ARHGAP26: variants seen among roughly 807,000 people sequenced by gnomAD.
ARHGAP26 encodes the protein Rho GTPase activating protein 26, also known as rho GTPase-activating protein 26.
A neutral mutation model predicts 104.8 loss-of-function variants in ARHGAP26; 38 were observed. The ratio of observed to expected loss-of-function variants is 0.36; its 90% CI spans 0.28 to 0.48. The LOEUF (loss-of-function observed/expected upper bound fraction) is 0.48. Ranked by LOEUF, ARHGAP26 falls within the 20% of genes least tolerant of loss-of-function variation. The pLI is 0.99. For missense variants in ARHGAP26, 704 were observed against 947.9 expected (o/e 0.74, Z 3.38); for synonymous variants, 341 against 340.0 (o/e 1.00, Z -0.03).
chr5:142,820,367 T>C (rs1324451293), intron 1 of ARHGAP26, among the ~76,000 whole-genome samples: 1 of 152,188 alleles, frequency 6.6e-6, no homozygotes, highest in Non-Finnish European at 1.5e-5. Flanking sequence ...AAGGGTTTCA[T>C]AGTAAGGTGG....
At chr5:142,910,276 C>T (rs1462290687) in intron 9 of ARHGAP26, among the ~76,000 whole-genome samples, 3 of 152,126 alleles carry the variant, frequency 2.0e-5, no homozygotes, top group East Asian at 1.9e-4. Flanking sequence ...GGTGCTCAAA[C>T]GCTCTTTCCA....
intron 8 of ARHGAP26, among the ~76,000 whole-genome samples, chr5:142,904,601 A>G (rs1314366025): frequency 2.6e-5 from 4 of 152,096 alleles, no homozygotes; most frequent in South Asian, 2.1e-4. Context: ...TGCTGCTAAC[A>G]TGGACATTTT....
intron 20 of ARHGAP26, among the ~76,000 whole-genome samples, chr5:143,158,749 C>A (rs1047294901): frequency 6.6e-6 from 1 of 152,146 alleles, no homozygotes; most frequent in African/African-American, 2.4e-5. Context: ...TGGGGCTATT[C>A]CCTGGCTGTT....
intron 20 of ARHGAP26, among the ~76,000 whole-genome samples, chr5:143,186,783 G>GA (rs1173972654): frequency 5.9e-5 from 9 of 152,330 alleles, no homozygotes; most frequent in African/African-American, 1.7e-4. Context: ...CAGACACAGT[G>GA]ACAGGGCTGT....
intron 12 of ARHGAP26, among the ~76,000 whole-genome samples, chr5:143,035,462 C>G (rs1309348257): frequency 6.6e-6 from 1 of 152,134 alleles, no homozygotes; most frequent in Non-Finnish European, 1.5e-5. Flanking sequence ...ATTGTATGTT[C>G]TCACTCATAA....
chr5:143,074,758 A>G (rs1385409671), intron 17 of ARHGAP26, among the ~76,000 whole-genome samples: 1 of 152,230 alleles, frequency 6.6e-6, no homozygotes, highest in African/African-American at 2.4e-5. Flanking sequence ...TTCCTTTTCC[A>G]TTGGATGTCT....
chr5:142,898,171 CACAT>C (rs1403899755), intron 6 of ARHGAP26, among the ~76,000 whole-genome samples: 3 of 108,424 alleles, frequency 2.8e-5, no homozygotes, highest in Admixed American at 8.5e-5. Context: ...TATACACACA[CACAT>C]ACACACACAC....
intron 1 of ARHGAP26, among the ~76,000 whole-genome samples, chr5:142,792,833 A>G (rs1051169174): frequency 2.0e-5 from 3 of 152,308 alleles, no homozygotes; most frequent in African/African-American, 7.2e-5. Context: ...GATTTCTACT[A>G]TCTTAATAAA....
In ARHGAP26 at chr5:142,912,252, CACA is replaced by C. The variant is rs535817677; in HGVS notation, c.934-942_934-940del. Among the ~76,000 whole-genome samples, 10 of 152,248 alleles carry C rather than the reference CACA, an allele frequency of 6.6e-5. No individual in the cohort carries two copies. In the South Asian group the frequency reaches 2.1e-3, roughly 32 times the overall value. ...TAAAGAGAAATAAGCCCTTGATATG[CACA>C]ACAATGTGGATGAATAGCAAAGCAA... On this transcript the variant is annotated intron_variant, in intron 9 of 22. Transcript: ENST00000645722.
chr5:143,199,991 T>C (rs1463753599), intron 20 of ARHGAP26, among the ~76,000 whole-genome samples: 3 of 152,086 alleles, frequency 2.0e-5, no homozygotes, highest in Non-Finnish European at 4.4e-5. Flanking sequence ...CATCAGCCTG[T>C]CTCCTTCCCC....
chr5:142,935,652 G>T (rs1765303271), intron 11 of ARHGAP26, among the ~76,000 whole-genome samples: 1 of 152,154 alleles, frequency 6.6e-6, no homozygotes, highest in Non-Finnish European at 1.5e-5. Context: ...GGCTAGGATG[G>T]ATGAATTGAC....
rs148220089 is a variant in ARHGAP26, at chr5:142,996,454, C to T, written c.1108-17626C>T. Reference sequence around the variant, plus strand: ...GTTGCAGTGAGCCAAGATCACGCCACTGCACTCCAACCTGGGTGACAGAGC... The same window carrying T: ...GTTGCAGTGAGCCAAGATCACGCCATTGCACTCCAACCTGGGTGACAGAGC... On this transcript the variant is annotated intron_variant, in intron 11 of 22. Transcript: ENST00000645722. 3.7e-4 allele frequency among the ~76,000 whole-genome samples: 56 copies of T among 152,220 alleles called. 1 individual carries two copies. The highest frequency in any genetic ancestry group is 1.2e-3 in the African/African-American group (50 of 41,504).
At chr5:143,162,386 C>G (rs1197900813) in intron 20 of ARHGAP26, among the ~76,000 whole-genome samples, 2 of 152,008 alleles carry the variant, frequency 1.3e-5, no homozygotes, top group African/African-American at 4.8e-5. Flanking sequence ...CCTTAGTCAT[C>G]CCATGACAGC....
chr5:143,207,760 A>G (rs1399248629), intron 21 of ARHGAP26, among the ~76,000 whole-genome samples: 5 of 152,224 alleles, frequency 3.3e-5, no homozygotes, highest in Admixed American at 1.3e-4. Context: ...GGTGTAAGAT[A>G]ACATAAGAGG....
chr5:143,133,195 T>C lies in ARHGAP26; in HGVS notation c.1699-772T>C, dbSNP rs150340158. 4.8e-4 allele frequency among the ~76,000 whole-genome samples: 73 copies of C among 152,158 alleles called. 1 individual carries two copies. Among genetic ancestry groups the C allele is most frequent in the African/African-American group, 1.7e-3 (72 of 41,446 alleles). ...TTCTTCTCATTTTTTAGCATGAACT[T>C]TTAGAAGAATAAAAGCCCCTCCTCC... On this transcript the variant is annotated intron_variant, in intron 18 of 22. Transcript: ENST00000645722.
At chr5:142,979,631 A>G (rs1357277863) in intron 11 of ARHGAP26, among the ~76,000 whole-genome samples, 1 of 152,252 alleles carries the variant, frequency 6.6e-6, no homozygotes, top group African/African-American at 2.4e-5. Context: ...TTTCTTCCAT[A>G]CACAATCAAG....
intron 1 of ARHGAP26, among the ~76,000 whole-genome samples, chr5:142,855,645 T>A (rs1752231882): frequency 6.6e-6 from 1 of 152,240 alleles, no homozygotes; most frequent in South Asian, 2.1e-4. Context: ...AGTGTCTTCA[T>A]CTTCTGTCCA....
intron 1 of ARHGAP26, among the ~76,000 whole-genome samples, chr5:142,843,471 A>G (rs1355894728): frequency 1.3e-5 from 2 of 152,236 alleles, no homozygotes; most frequent in Non-Finnish European, 2.9e-5. Flanking sequence ...CCTACCATTC[A>G]TTGAGTGCTT....
At chr5:142,828,423 A>G (rs997758878) in intron 1 of ARHGAP26, among the ~76,000 whole-genome samples, 5 of 152,202 alleles carry the variant, frequency 3.3e-5, no homozygotes, top group African/African-American at 1.2e-4. Context: ...TTTAAGCCCA[A>G]CATGTAGGTG....
Sources: gnomAD v4.1 joint callset for allele counts (sites outside exome capture counted in the v4.1 genomes callset) on GRCh38, gnomAD v4.1.1 for gene constraint, MANE v1.5 for transcripts, NCBI Gene and HGNC (gene_info 2026-07-23, HGNC 2026-07-21) for gene names.